The following NSUN4 variants were observed in gnomAD, a reference collection of about 807,000 sequenced individuals.
NSUN4 encodes the protein 5-cytosine rRNA methyltransferase NSUN4.
A neutral mutation model predicts 43.8 loss-of-function variants in NSUN4; 31 were observed. The ratio of observed to expected loss-of-function variants is 0.71; its 90% CI spans 0.53 to 0.96. The LOEUF is 0.96. Ranked by LOEUF, NSUN4 falls within the 40% of genes least tolerant of loss-of-function variation. The probability of loss-of-function intolerance (pLI) is 0.00; values close to 1 mark genes in which losing one functional copy is unlikely to be tolerated. For synonymous variants in NSUN4, 167 were observed against 184.1 expected (o/e 0.91, Z 0.75); for missense variants, 439 against 475.6 (o/e 0.92, Z 0.72).
chr1:46,342,117 A>G (rs1434015125), intron 1 of NSUN4: 1 of 428,774 alleles, frequency 2.3e-6, no homozygotes, highest in Non-Finnish European at 4.0e-6. Context: ...AACTAGTCCT[A>G]TGGCCTCCCC....
chr1:46,352,744 A>C (rs17413694), intron 3 of NSUN4, 124 bp from the exon 4 acceptor site: 205,237 of 884,348 alleles, frequency 0.23, 26,675 homozygotes, highest in Non-Finnish European at 0.27. Context: ...CACATAATAA[A>C]TGTTCCTGAT....
At chr1:46,365,786 A>G (rs187119869), downstream of NSUN4, among the ~76,000 whole-genome samples, 423 of 152,284 alleles carry the variant, frequency 2.8e-3, 1 homozygote, top group Non-Finnish European at 5.2e-3. Context: ...TGAGAGGTCC[A>G]TTTGCTCCAC....
chr1:46,350,946 G>A (rs752926807), intron 3 of NSUN4, among the ~76,000 whole-genome samples: 4 of 152,168 alleles, frequency 2.6e-5, no homozygotes, highest in Admixed American at 6.6e-5. Flanking sequence ...AAAGGATTGG[G>A]CAAAAGAGAC....
downstream of NSUN4, among the ~76,000 whole-genome samples, chr1:46,369,668 G>T (rs150534406): frequency 2.6e-5 from 4 of 152,262 alleles, no homozygotes; most frequent in Non-Finnish European, 5.9e-5. Flanking sequence ...GGAACAGTTC[G>T]TGTGAATGTG....
the NSUN4 span, among the ~76,000 whole-genome samples, chr1:46,378,202 T>A: frequency 4.9e-3 from 1 of 204 alleles, no homozygotes; most frequent in Admixed American, 0.036. Context: ...ATAGCAGAGA[T>A]TTTTTTTTTT....
At chr1:46,343,340 C>A in intron 1 of NSUN4, 1 of 399,886 alleles carries the variant, frequency 2.5e-6, no homozygotes. Context: ...TACCCATTGT[C>A]CCCCGAGTCC....
chr1:46,341,949 C>T, intron 1 of NSUN4: 2 of 1,233,088 alleles, frequency 1.6e-6, no homozygotes, highest in Non-Finnish European at 2.0e-6. Flanking sequence ...AACCTCCTTT[C>T]CCCTTGCTCA....
chr1:46,368,330 G>A (rs1372864803), downstream of NSUN4, among the ~76,000 whole-genome samples: 5 of 152,208 alleles, frequency 3.3e-5, 1 homozygote, highest in Non-Finnish European at 7.4e-5. Flanking sequence ...TTAAGAGATG[G>A]AGTCTGTTTC....
chr1:46,341,932 G>C (rs1662140113), intron 1 of NSUN4: 1 of 1,232,952 alleles, frequency 8.1e-7, no homozygotes, highest in Admixed American at 4.2e-5. Context: ...TTTGGAACCA[G>C]CCCGGCAACC....
the NSUN4 span, among the ~76,000 whole-genome samples, chr1:46,376,544 C>A: frequency 2.1e-5 from 3 of 143,292 alleles, no homozygotes; most frequent in East Asian, 5.8e-4. Context: ...AATAGCACAT[C>A]CTTAGATAAT....
At position 46,361,985 on chromosome 1, in the gene NSUN4, A is replaced by G. The variant is rs1663915272; in HGVS notation, c.*139A>G. ...TCGTGTCTTTCTGCAGTTTTCGGCA[A>G]TAAGAAGTAGAAGATTTGCTGTCCT... On this transcript the variant is annotated 3_prime_UTR_variant, in exon 6 of 6. Coordinates refer to ENST00000474844, the MANE Select transcript of NSUN4 (RefSeq NM_199044.4). The G allele has an allele frequency of 1.3e-6, 1 of 784,124 alleles. No individual in the cohort carries two copies. The highest frequency in any genetic ancestry group is 3.5e-4 in the Middle Eastern group (1 of 2,824). 48.6% of individuals were successfully genotyped at this position (784,124 alleles called of 1,614,324 possible).
chr1:46,341,514 C>T, intron 1 of NSUN4: 1 of 1,068,898 alleles, frequency 9.4e-7, no homozygotes, highest in Non-Finnish European at 1.1e-6. Context: ...CGAATCCTCT[C>T]ATCCTCTGGA....
the NSUN4 span, among the ~76,000 whole-genome samples, chr1:46,382,145 A>G: frequency 1.1e-4 from 17 of 152,328 alleles, no homozygotes; most frequent in African/African-American, 4.1e-4. Context: ...CATCATAACC[A>G]GCCCCCTTAG....
chr1:46,346,679 G>A (rs1299685130), intron 2 of NSUN4, among the ~76,000 whole-genome samples: 11 of 152,214 alleles, frequency 7.2e-5, no homozygotes, highest in South Asian at 4.1e-4. Context: ...AGACGAGATC[G>A]TGCCACTGCG....
chr1:46,370,341 T>G, the NSUN4 span, among the ~76,000 whole-genome samples: 1 of 152,192 alleles, frequency 6.6e-6, no homozygotes, highest in Non-Finnish European at 1.5e-5. Context: ...ATGAGTGTTT[T>G]CTGAATTATC....
chr1:46,355,747 G>A (rs551909508), intron 4 of NSUN4, among the ~76,000 whole-genome samples: 1 of 152,312 alleles, frequency 6.6e-6, no homozygotes. Context: ...GGGCACGGTG[G>A]CTAACGACTG....
chr1:46,351,657 CTCT>C (rs1328412755), intron 3 of NSUN4, among the ~76,000 whole-genome samples: 93 of 114,292 alleles, frequency 8.1e-4, no homozygotes, highest in Admixed American at 3.1e-3. Flanking sequence ...GAGACCCAGT[CTCT>C]TTTTTTTTTT....
intron 5 of NSUN4, 85 bp from the exon 6 acceptor site, chr1:46,361,485 C>T (rs1271922785): frequency 1.6e-6 from 2 of 1,285,926 alleles, no homozygotes; most frequent in African/African-American, 1.5e-5. Context: ...GTAGCCTTCC[C>T]TTATCCATGT....
chr1:46,358,988 T>A (rs1187059039), intron 4 of NSUN4, among the ~76,000 whole-genome samples: 1 of 152,074 alleles, frequency 6.6e-6, no homozygotes, highest in African/African-American at 2.4e-5. Flanking sequence ...CCAGGCATGA[T>A]GGCTCATGCC....
Sources: allele counts gnomAD v4.1 joint callset (sites outside exome capture counted in the v4.1 genomes callset), GRCh38; gene constraint gnomAD v4.1.1; transcripts MANE v1.5; gene names NCBI Gene and HGNC (gene_info 2026-07-23, HGNC 2026-07-21).